GRM7: variants seen among roughly 807,000 people sequenced by gnomAD.
GRM7 encodes the protein metabotropic glutamate receptor 7.
A neutral mutation model predicts 84.5 loss-of-function variants in GRM7; 35 were observed. The ratio of observed to expected loss-of-function variants is 0.41; its 90% confidence interval spans 0.32 to 0.55. The LOEUF is 0.55. GRM7 is among the 20% of genes least tolerant of loss of function. The pLI is 0.19. For synonymous variants in GRM7, 487 were observed against 455.1 expected (o/e 1.07, Z -0.89); for missense variants, 1,003 against 1,194.6 (o/e 0.84, Z 2.36).
chr3:7,347,552 T>C (rs1692946408), intron 4 of GRM7, among the ~76,000 whole-genome samples: 1 of 152,188 alleles, frequency 6.6e-6, no homozygotes, highest in Non-Finnish European at 1.5e-5. Flanking sequence ...TTGAGTTTTT[T>C]CAAACTCACT....
At chr3:7,220,800 T>A (rs9860446) in intron 2 of GRM7, among the ~76,000 whole-genome samples, 72,692 of 151,998 alleles carry the variant, frequency 0.48, 18,402 homozygotes, top group Non-Finnish European at 0.58. Flanking sequence ...AGTTTATTTT[T>A]AAAAAGAGAA....
intron 2 of GRM7, 129 bp from the exon 3 acceptor site, chr3:7,298,546 TGCTGTCCTC>T: frequency 1.5e-6 from 1 of 673,368 alleles, no homozygotes; most frequent in Non-Finnish European, 2.6e-6. Flanking sequence ...TGGTGTCTTA[TGCTGTCCTC>T]GCTTAGCAAC....
chr3:6,965,139 C>T (rs190413255), intron 1 of GRM7, among the ~76,000 whole-genome samples: 3 of 152,148 alleles, frequency 2.0e-5, no homozygotes, highest in Admixed American at 6.5e-5. Context: ...CAAAAAGACC[C>T]TAGGTGGGAG....
At chr3:7,343,883 C>T (rs1352464455) in intron 4 of GRM7, among the ~76,000 whole-genome samples, 5 of 151,984 alleles carry the variant, frequency 3.3e-5, no homozygotes, top group Non-Finnish European at 7.4e-5. Context: ...TTCTTCTGAG[C>T]CCTTCAGCTA....
intron 1 of GRM7, among the ~76,000 whole-genome samples, chr3:7,040,835 C>G (rs776416958): frequency 6.6e-6 from 1 of 151,766 alleles, no homozygotes; most frequent in African/African-American, 2.4e-5. Context: ...GTAATCCCAG[C>G]GCTTTGGGAG....
At chr3:7,477,655 C>T (rs959249375) in intron 7 of GRM7, among the ~76,000 whole-genome samples, 4 of 152,108 alleles carry the variant, frequency 2.6e-5, no homozygotes, top group African/African-American at 9.7e-5. Flanking sequence ...TGTTGTTTCT[C>T]TTTGATGTGA....
intron 1 of GRM7, among the ~76,000 whole-genome samples, chr3:6,902,647 C>A (rs1229822864): frequency 6.6e-6 from 1 of 152,056 alleles, no homozygotes; most frequent in East Asian, 1.9e-4. Context: ...TATAAGAAAA[C>A]AAAAATATAT....
At chr3:7,541,153 T>C (rs151240566) in intron 7 of GRM7, among the ~76,000 whole-genome samples, 24 of 152,330 alleles carry the variant, frequency 1.6e-4, no homozygotes, top group Non-Finnish European at 2.9e-5. Flanking sequence ...GATCAACCTT[T>C]ATCATGCTTC....
intron 4 of GRM7, among the ~76,000 whole-genome samples, chr3:7,368,212 T>G (rs1693987844): frequency 6.6e-6 from 1 of 152,020 alleles, no homozygotes; most frequent in East Asian, 1.9e-4. Flanking sequence ...ACTTGTTTCC[T>G]GGGTTACAGA....
Position 6,867,923 on chromosome 3 carries a change from T to C in GRM7, c.519+6016T>C, listed in dbSNP as rs1450410956. The stretch of plus-strand genomic sequence containing the variant: ...GCTTTCAACTATATTTACAACTAAA[T>C]GTTTTTTGAATCACATTATTAGATT... On this transcript the variant is annotated intron_variant, in intron 1 of 9. Transcript: ENST00000357716. Among the ~76,000 whole-genome samples the C allele has an allele frequency of 5.9e-5, 9 of 152,328 alleles. No individual in the cohort carries two copies. The East Asian group carries it at 1.7e-3, about 29-fold the overall frequency.
In GRM7 at chr3:7,516,229, C is replaced by T. The variant is rs1002290393; in HGVS notation, c.1515+54507C>T. Among the ~76,000 whole-genome samples, 8 of 147,540 alleles carry T rather than the reference C, an allele frequency of 5.4e-5. 1 individual carries two copies. Among genetic ancestry groups the T allele is most frequent in the Middle Eastern group, 7.6e-3 (2 of 262 alleles). ...GCTCACGCCTGTAATCCCAGCACTT[C>T]GGGAAGCCGAAGCCGAGGCGGGCAG... is the stretch of plus-strand genomic sequence containing the variant. On this transcript the variant is annotated intron_variant, in intron 7 of 9. Coordinates refer to ENST00000357716, the MANE Select transcript of GRM7 (RefSeq NM_000844.4).
At chr3:7,603,697 G>C (rs1368291250) in intron 8 of GRM7, among the ~76,000 whole-genome samples, 1 of 151,990 alleles carries the variant, frequency 6.6e-6, no homozygotes, top group African/African-American at 2.4e-5. Flanking sequence ...TCCTCCTACA[G>C]TTGTATTTGT....
At chr3:7,567,921 A>T (rs1694400195) in intron 7 of GRM7, among the ~76,000 whole-genome samples, 2 of 152,100 alleles carry the variant, frequency 1.3e-5, no homozygotes, top group South Asian at 4.1e-4. Flanking sequence ...TGAGGTCTGC[A>T]TGACAGCAGT....
chr3:6,980,812 A>G (rs1261382364), intron 1 of GRM7, among the ~76,000 whole-genome samples: 1 of 152,202 alleles, frequency 6.6e-6, no homozygotes, highest in Non-Finnish European at 1.5e-5. Flanking sequence ...TACCACAAAG[A>G]GAAGATGACA....
chr3:6,962,422 G>C (rs1039295849), intron 1 of GRM7, among the ~76,000 whole-genome samples: 1 of 151,992 alleles, frequency 6.6e-6, no homozygotes, highest in Non-Finnish European at 1.5e-5. Flanking sequence ...CAGTATGTTA[G>C]AATCAGTCAA....
intron 4 of GRM7, among the ~76,000 whole-genome samples, chr3:7,339,411 T>G (rs945360546): frequency 6.6e-6 from 1 of 152,134 alleles, no homozygotes; most frequent in Non-Finnish European, 1.5e-5. Context: ...GTTCAAACTT[T>G]CCGTTGCAAT....
intron 7 of GRM7, among the ~76,000 whole-genome samples, chr3:7,529,154 T>G (rs1000916866): frequency 6.6e-6 from 1 of 152,082 alleles, no homozygotes; most frequent in Non-Finnish European, 1.5e-5. Context: ...CAAAAATATT[T>G]TGTGGTAAAG....
intron 5 of GRM7, among the ~76,000 whole-genome samples, chr3:7,418,306 C>T (rs1262441979): frequency 6.6e-6 from 1 of 152,158 alleles, no homozygotes; most frequent in African/African-American, 2.4e-5. Flanking sequence ...TCGCAGTGAG[C>T]CATCCTGCTC....
intron 1 of GRM7, among the ~76,000 whole-genome samples, chr3:7,138,548 A>G (rs1693843512): frequency 6.6e-6 from 1 of 151,682 alleles, no homozygotes; most frequent in Non-Finnish European, 1.5e-5. Context: ...TAAAATATTA[A>G]ATAAATAATG....
Sources: allele counts gnomAD v4.1 joint callset (sites outside exome capture counted in the v4.1 genomes callset), GRCh38; gene constraint gnomAD v4.1.1; transcripts MANE v1.5; gene names NCBI Gene and HGNC (gene_info 2026-07-23, HGNC 2026-07-21).